The following ASB2 variants were observed in gnomAD, a reference collection of about 807,000 sequenced individuals.
ASB2 encodes the protein ankyrin repeat and SOCS box protein 2.
ASB2 carries 58 observed loss-of-function variants against 62.4 expected under a neutral mutation model. The observed-to-expected ratio is 0.93, with a 90% CI of 0.75 to 1.16. The LOEUF is 1.16. Ranked by LOEUF, ASB2 falls within the 50% of genes most tolerant of loss-of-function variation. The pLI is 0.00. For missense variants in ASB2, 928 were observed against 887.9 expected (o/e 1.05, Z -0.57); for synonymous variants, 386 against 385.3 (o/e 1.00, Z -0.02).
chr14:93,965,924 C>G (rs544809228), intron 1 of ASB2, among the ~76,000 whole-genome samples: 2 of 152,250 alleles, frequency 1.3e-5, no homozygotes, highest in Non-Finnish European at 2.9e-5. Context: ...AGCCTAGGCC[C>G]CAGAGAGAAC....
At chr14:93,956,474 G>C (rs1215678503) in intron 3 of ASB2, among the ~76,000 whole-genome samples, 1 of 152,106 alleles carries the variant, frequency 6.6e-6, no homozygotes, top group African/African-American at 2.4e-5. Flanking sequence ...CAGTTTCAGA[G>C]CCCCATGGGG....
chr14:93,967,303 G>A (rs905508329), intron 1 of ASB2, among the ~76,000 whole-genome samples: 21 of 151,998 alleles, frequency 1.4e-4, no homozygotes, highest in African/African-American at 2.7e-4. Flanking sequence ...CTTCAGTGGC[G>A]GGGGGAAGGG....
intron 1 of ASB2, among the ~76,000 whole-genome samples, chr14:93,971,773 A>G (rs1271442060): frequency 6.6e-5 from 10 of 152,066 alleles, no homozygotes; most frequent in Non-Finnish European, 2.9e-5. Flanking sequence ...ACACTAAGGG[A>G]AAAAGTGACA....
At position 93,939,683 on chromosome 14, in the gene ASB2, G is replaced by T; in HGVS notation, c.1053-11C>A. 2.1e-6 allele frequency: 3 copies of T among 1,429,902 alleles called. No individual in the cohort carries two copies. The highest frequency in any genetic ancestry group is 1.8e-6 in the Non-Finnish European group (2 of 1,098,612). 88.6% of individuals were successfully genotyped at this position (1,429,902 alleles called of 1,614,324 possible). On this transcript the variant is annotated splice_polypyrimidine_tract_variant and intron_variant, in intron 7 of 9. Coordinates refer to ENST00000555019, the MANE Select transcript of ASB2 (RefSeq NM_001202429.2). Reference sequence around the variant, plus strand: ...AGCATCTGCACGATCCTGCCGGGTCGAGGGGCGGGCGCGGGTGAGGGGAGG... The same window carrying T: ...AGCATCTGCACGATCCTGCCGGGTCTAGGGGCGGGCGCGGGTGAGGGGAGG...
At chr14:93,971,852 C>T (rs893813688) in intron 1 of ASB2, among the ~76,000 whole-genome samples, 7 of 151,796 alleles carry the variant, frequency 4.6e-5, no homozygotes, top group East Asian at 1.9e-4. Flanking sequence ...TAGCAACCAC[C>T]GGATGTTTTT....
At chr14:93,958,913 C>A (rs1567029399) in intron 2 of ASB2, among the ~76,000 whole-genome samples, 1 of 152,228 alleles carries the variant, frequency 6.6e-6, no homozygotes, top group South Asian at 2.1e-4. Context: ...AAGCCCACTG[C>A]ACCATCTAAA....
intron 7 of ASB2, among the ~76,000 whole-genome samples, chr14:93,946,380 C>T (rs1248451072): frequency 6.6e-6 from 1 of 152,240 alleles, no homozygotes; most frequent in Non-Finnish European, 1.5e-5. Context: ...CTCTGCGGCC[C>T]AGGCTTCCCC....
At chr14:93,965,383 C>T (rs773785967) in intron 1 of ASB2, among the ~76,000 whole-genome samples, 66 of 152,244 alleles carry the variant, frequency 4.3e-4, no homozygotes, top group Non-Finnish European at 8.1e-4. Flanking sequence ...TTTCTTTGCA[C>T]TGTGATGGGC....
At position 93,947,509 on chromosome 14, in the gene ASB2, T is replaced by C; in HGVS notation, c.892A>G (p.Asn298Asp). 6.2e-7 allele frequency: 1 copy of C among 1,613,954 alleles called. No homozygotes were observed. Among genetic ancestry groups the C allele is most frequent in the Non-Finnish European group, 8.5e-7 (1 of 1,180,020 alleles). Residue 298 changes from asparagine (N) to aspartate (D), a missense_variant, in exon 7 of 10, where the codon AAC (asparagine) becomes GAC (aspartate). Transcript: ENST00000555019. ...RFLAKYGADI[N>D]TQASDNASAL... is the part of the protein sequence containing the mutation. Reference sequence around the variant, plus strand: ...GACGCGTTGTCGCTGGCCTGCGTGTTGATGTCAGCACCTGGGGAAGGAGAA... The same window carrying C: ...GACGCGTTGTCGCTGGCCTGCGTGTCGATGTCAGCACCTGGGGAAGGAGAA...
At position 93,953,523 on chromosome 14, in the gene ASB2, C is replaced by T. The variant is rs371631887; in HGVS notation, c.479-16G>A. Reference sequence around the variant, plus strand: ...CCTGGGTACGCTAGGGAGGGCCCACCGGGAAATTCATGTAGGAGAAAGATA... The same window carrying T: ...CCTGGGTACGCTAGGGAGGGCCCACTGGGAAATTCATGTAGGAGAAAGATA... On this transcript the variant is annotated splice_polypyrimidine_tract_variant and intron_variant, in intron 4 of 9. Transcript: ENST00000555019. 3.3e-4 allele frequency: 508 copies of T among 1,556,936 alleles called. No homozygotes were observed. The highest frequency in any genetic ancestry group is 4.2e-4 in the Non-Finnish European group (478 of 1,143,542).
intron 1 of ASB2, among the ~76,000 whole-genome samples, chr14:93,973,311 C>T (rs531717522): frequency 1.6e-4 from 24 of 152,260 alleles, no homozygotes; most frequent in Admixed American, 1.5e-3. Flanking sequence ...GAATCTCTCC[C>T]GAAGAGTCTA....
At chr14:93,942,770 A>C (rs1888576455) in intron 7 of ASB2, among the ~76,000 whole-genome samples, 2 of 152,226 alleles carry the variant, frequency 1.3e-5, no homozygotes, top group Non-Finnish European at 2.9e-5. Flanking sequence ...TCTACCCTTC[A>C]GCACTGGGCC....
At position 93,969,762 on chromosome 14, in the gene ASB2, G is replaced by T. The variant is rs547267561; in HGVS notation, c.-73-5150C>A. Among the ~76,000 whole-genome samples, 23 of 152,214 alleles carry T rather than the reference G, an allele frequency of 1.5e-4. 1 individual carries two copies. The South Asian group carries it at 4.8e-3, about 32-fold the overall frequency. ...AGCAAGGGAGGCCTGGCCCCGCAGG[G>T]CCTTCAGGAGTGCCTCTCCTGCCCT... On this transcript the variant is annotated intron_variant, in intron 1 of 9. Coordinates refer to ENST00000555019, the MANE Select transcript of ASB2 (RefSeq NM_001202429.2).
In ASB2 at chr14:93,955,125, C is replaced by T. The variant is rs749825125; in HGVS notation, c.312-642G>A. ...CTCCCTACCTCATCCTTGGAGAGTC[C>T]GTGAGAACCACGATGTCTATGCCTC... On this transcript the variant is annotated intron_variant, in intron 3 of 9. Transcript: ENST00000555019. The T allele has an allele frequency of 1.7e-4, 79 of 456,738 alleles. No homozygotes were observed. In the Middle Eastern group the frequency reaches 6.5e-3, roughly 38 times the overall value. The allele number at this position is 456,738 out of a possible 1,614,324, so 28.3% of individuals were successfully genotyped here.
rs138293021 is a variant in ASB2, at chr14:93,955,028, G to A, written c.312-545C>T. ...AAGATTTGAGGGCTAAAGTGAAGCC[G>A]TTCCTTGCTTGGCTTGTTAAAGTCC... On this transcript the variant is annotated intron_variant, in intron 3 of 9. Coordinates refer to ENST00000555019, the MANE Select transcript of ASB2 (RefSeq NM_001202429.2). 290 of 456,816 alleles carry A rather than the reference G, an allele frequency of 6.3e-4. 2 individuals are homozygous for A. Among genetic ancestry groups the A allele is most frequent in the African/African-American group, 4.5e-3 (224 of 50,214 alleles). 28.3% of individuals were successfully genotyped at this position (456,816 alleles called of 1,614,324 possible). A position where few individuals can be genotyped will look rare whatever the true frequency, so the allele number is the denominator to read the frequency against.
At chr14:93,946,680 A>G (rs952203836) in intron 7 of ASB2, among the ~76,000 whole-genome samples, 5 of 152,228 alleles carry the variant, frequency 3.3e-5, no homozygotes, top group African/African-American at 1.2e-4. Flanking sequence ...GATGTCATGA[A>G]TTCACATGTC....
rs115286477 is a variant in ASB2, at chr14:93,952,544, G to T, written c.634+808C>A. On this transcript the variant is annotated intron_variant, in intron 5 of 9. Coordinates refer to ENST00000555019, the MANE Select transcript of ASB2 (RefSeq NM_001202429.2). ...ATCATTTGTAAGACCCCAGCTGATT[G>T]CTTCAGCATGTAGGCATGGACAGGA... is the stretch of plus-strand genomic sequence containing the variant. 2.4e-3 allele frequency among the ~76,000 whole-genome samples: 370 copies of T among 152,348 alleles called. 2 individuals are homozygous for T. Among genetic ancestry groups the T allele is most frequent in the African/African-American group, 7.8e-3 (326 of 41,582 alleles).
rs1270437248 is a variant in ASB2, at chr14:93,939,371, C to T, written c.1354G>A (p.Gly452Ser). 1.9e-6 allele frequency: 3 copies of T among 1,612,754 alleles called. No homozygotes were observed. The highest frequency in any genetic ancestry group is 2.2e-5 in the South Asian group (2 of 91,020). ...AGCAGCTGCATTGTGCGCAGGCAGC[C>T]GTGGCGGATGGCCACGAGCAAGGGG... is the stretch of plus-strand genomic sequence containing the variant. ...ISPLLVAIRH[G>S]CLRTMQLLLD... Residue 452 changes from glycine to serine, a missense_variant, in exon 8 of 10, where the codon GGC becomes AGC. Transcript: ENST00000555019.
intron 4 of ASB2, 80 bp from the exon 5 acceptor site, chr14:93,953,587 C>T (rs1889060328): frequency 8.1e-7 from 1 of 1,233,044 alleles, no homozygotes. Flanking sequence ...GATTGCCTCC[C>T]AATTTCAAGA....
Sources: gnomAD v4.1 joint callset for allele counts (sites outside exome capture counted in the v4.1 genomes callset) on GRCh38, gnomAD v4.1.1 for gene constraint, MANE v1.5 for transcripts, NCBI Gene and HGNC (gene_info 2026-07-23, HGNC 2026-07-21) for gene names.